The following RAI1 variants were observed in gnomAD, a reference collection of about 807,000 sequenced individuals.
The protein encoded by RAI1 is retinoic acid induced 1.
RAI1 carries 9 observed loss-of-function variants against 123.8 expected under a neutral mutation model. The observed-to-expected ratio is 0.07, with a 90% confidence interval of 0.04 to 0.13. The LOEUF is 0.13. Ranked by LOEUF, RAI1 falls within the 10% of genes least tolerant of loss-of-function variation. The pLI, the probability that RAI1 is intolerant of heterozygous loss-of-function variation, is 1.00. For synonymous variants in RAI1, 1,231 were observed against 1,127.3 expected (o/e 1.09, Z -1.84); for missense variants, 2,256 against 2,545.8 (o/e 0.89, Z 2.45).
intron 2 of RAI1, among the ~76,000 whole-genome samples, chr17:17,742,064 G>A (rs952561700): frequency 3.9e-5 from 6 of 152,274 alleles, no homozygotes; most frequent in Non-Finnish European, 8.8e-5. Context: ...CTTCATGTCA[G>A]TGTCTCTTGT....
intron 2 of RAI1, among the ~76,000 whole-genome samples, chr17:17,781,945 G>A (rs1315169238): frequency 6.6e-6 from 1 of 152,174 alleles, no homozygotes; most frequent in Non-Finnish European, 1.5e-5. Context: ...GAGGGCTCGG[G>A]GCCCCGGGCC....
chr17:17,792,437 G>A (rs924569250), intron 2 of RAI1, among the ~76,000 whole-genome samples: 1 of 152,300 alleles, frequency 6.6e-6, no homozygotes, highest in East Asian at 1.9e-4. Flanking sequence ...GCTTGAACAC[G>A]GTCGCGAAGG....
rs928112253 is a variant in RAI1 at position 17,799,538 on chromosome 17, C to T, written c.5565+1025C>T. Among the ~76,000 whole-genome samples, 2 of 152,178 alleles carry T rather than the reference C, an allele frequency of 1.3e-5. No homozygotes were observed. Among genetic ancestry groups the T allele is most frequent in the African/African-American group, 4.8e-5 (2 of 41,420 alleles). The stretch of plus-strand genomic sequence containing the variant: ...TCCAGACTTCCGTGGAGTGACGCTC[C>T]CGGCTCTCAGCGCTGTGTGGTGGCT... On this transcript the variant is annotated intron_variant, in intron 3 of 5. Coordinates refer to ENST00000353383, the MANE Select transcript of RAI1 (RefSeq NM_030665.4). The surrounding 1 kb of genome is among the most constrained non-coding windows in gnomAD (Gnocchi z 4.5).
At chr17:17,722,170 G>T in intron 1 of RAI1, among the ~76,000 whole-genome samples, 1 of 152,168 alleles carries the variant, frequency 6.6e-6, no homozygotes, top group East Asian at 1.9e-4. Flanking sequence ...GACGAGCCAG[G>T]GCTGACACAT....
intron 2 of RAI1, among the ~76,000 whole-genome samples, chr17:17,783,324 G>C (rs1226968856): frequency 6.6e-6 from 1 of 151,940 alleles, no homozygotes; most frequent in Non-Finnish European, 1.5e-5. Flanking sequence ...CCGTGACCTT[G>C]CTGGGGTCAG....
At chr17:17,716,566 G>C (rs964485800) in intron 1 of RAI1, among the ~76,000 whole-genome samples, 1 of 152,180 alleles carries the variant, frequency 6.6e-6, no homozygotes, top group Non-Finnish European at 1.5e-5. Flanking sequence ...GTGTGCATGT[G>C]TATGTGGTTT....
chr17:17,755,120 A>G (rs2030382973), intron 2 of RAI1, among the ~76,000 whole-genome samples: 1 of 152,210 alleles, frequency 6.6e-6, no homozygotes, highest in East Asian at 1.9e-4. Context: ...CTGAGCTCCC[A>G]CAGCCTGAGC....
intron 1 of RAI1, among the ~76,000 whole-genome samples, chr17:17,697,411 A>G (rs1164374037): frequency 6.6e-6 from 1 of 152,220 alleles, no homozygotes; most frequent in African/African-American, 2.4e-5. Flanking sequence ...CAGAAATGAA[A>G]AGATTAGGGA....
rs946054469 is a variant in RAI1 at position 17,714,715 on chromosome 17, CCT to C, written c.-148-9309_-148-9308del. ...AATAAGGAAGCTGAGCAGCAGGCAG[CCT>C]CTCCCCTGCAGAAGGGCACAGAAGC... On this transcript the variant is annotated intron_variant, in intron 1 of 5. Transcript: ENST00000353383. The surrounding 1 kb of genome is among the most constrained non-coding windows in gnomAD (Gnocchi z 4.9). Among the ~76,000 whole-genome samples the C allele has an allele frequency of 1.3e-5, 2 of 152,118 alleles. No individual in the cohort carries two copies. The highest frequency in any genetic ancestry group is 2.9e-5 in the Non-Finnish European group (2 of 68,024).
intron 1 of RAI1, among the ~76,000 whole-genome samples, chr17:17,713,916 G>T (rs905874258): frequency 6.6e-6 from 1 of 152,148 alleles, no homozygotes; most frequent in African/African-American, 2.4e-5. Context: ...GCAGGAGCTT[G>T]CTCTGGTCCG....
At chr17:17,784,659 C>G (rs2031760228) in intron 2 of RAI1, among the ~76,000 whole-genome samples, 1 of 152,144 alleles carries the variant, frequency 6.6e-6, no homozygotes, top group African/African-American at 2.4e-5. Context: ...AGCCGGAGAC[C>G]CCTATGCCGT....
rs778040446 is a variant in RAI1, at chr17:17,798,418, G to C, written c.5470G>C (p.Val1824Leu). 1 of 1,610,778 alleles carries C rather than the reference G, an allele frequency of 6.2e-7. No individual in the cohort carries two copies. The highest frequency in any genetic ancestry group is 1.7e-5 in the Admixed American group (1 of 59,936). Residue 1824 changes from valine (V) to leucine (L), a missense_variant, in exon 3 of 6, where the codon GTG becomes CTG. Physicochemically the swap from Val to Leu is conservative, Grantham distance 32. This residue lies in a region of RAI1 where 243 missense variants were observed against 316.6 expected (regional missense o/e 0.77). Transcript: ENST00000353383. ...EPGGEAQEHWVHEACAVWTGG... is the reference protein window; with the variant it reads ...EPGGEAQEHWLHEACAVWTGG... ...CGGCGGGGAGGCCCAGGAGCACTGG[G>C]TGCATGAGGCCTGTGCCGTGTGGAC...
intron 1 of RAI1, among the ~76,000 whole-genome samples, chr17:17,682,108 G>A (rs1165571062): frequency 3.3e-5 from 5 of 151,276 alleles, no homozygotes; most frequent in Non-Finnish European, 5.9e-5. Context: ...AGTGTGGCAA[G>A]GGATCTGCTT....
intron 1 of RAI1, among the ~76,000 whole-genome samples, chr17:17,694,737 G>C (rs1914956205): frequency 6.7e-6 from 1 of 150,316 alleles, no homozygotes; most frequent in South Asian, 2.1e-4. Context: ...CGGGACCTTC[G>C]GGGCGCTGAG....
rs1479877533 is a variant in RAI1, at chr17:17,781,976, G to A, written c.-16-10957G>A. 2.0e-5 allele frequency among the ~76,000 whole-genome samples: 3 copies of A among 152,318 alleles called. No individual in the cohort carries two copies. The South Asian group carries it at 6.2e-4, about 32-fold the overall frequency. ...GGGCCGGCCGCCCCCTTTTTGCGGG[G>A]GGAGAGCAGGAGCCGCCTCTCGCAG... On this transcript the variant is annotated intron_variant, in intron 2 of 5. Coordinates refer to ENST00000353383, the MANE Select transcript of RAI1 (RefSeq NM_030665.4).
In RAI1 at chr17:17,798,346, G is replaced by A. The variant is rs777865239; in HGVS notation, c.5398G>A (p.Asp1800Asn). ...EDGGEEAAPA[D>N]KGRKHECSKE... ...TGGGGGCGAGGAGGCAGCCCCAGCC[G>A]ACAAGGGTCGCAAACATGAGTGCAG... Residue 1800 changes from aspartate (D) to asparagine (N), a missense_variant, in exon 3 of 6, where the codon GAC becomes AAC. Physicochemically the swap from Asp to Asn is conservative, Grantham distance 23. Transcript: ENST00000353383. The A allele has an allele frequency of 2.9e-5, 47 of 1,603,458 alleles. No homozygotes were observed. In the Admixed American group the frequency reaches 3.4e-4, roughly 12 times the overall value.
At chr17:17,781,965 C>G (rs2031597444) in intron 2 of RAI1, among the ~76,000 whole-genome samples, 1 of 152,152 alleles carries the variant, frequency 6.6e-6, no homozygotes. Context: ...CGGCCGCCCC[C>G]TTTTTGCGGG....
chr17:17,730,191 G>A (rs1043677485), intron 2 of RAI1, among the ~76,000 whole-genome samples: 2 of 152,236 alleles, frequency 1.3e-5, no homozygotes, highest in Non-Finnish European at 2.9e-5. Context: ...TGTGATGTTG[G>A]TATCTGCCTT....
At chr17:17,745,420 T>A (rs1270093919) in intron 2 of RAI1, among the ~76,000 whole-genome samples, 1 of 151,678 alleles carries the variant, frequency 6.6e-6, no homozygotes, top group Non-Finnish European at 1.5e-5. Context: ...TGTGTGTGTG[T>A]GTGTGTGTGT....
Sources: gnomAD v4.1 joint callset for allele counts (sites outside exome capture counted in the v4.1 genomes callset) on GRCh38, gnomAD v4.1.1 for gene constraint, gnomAD v4.1.1 regional missense constraint, Gnocchi (gnomAD v3.1) non-coding constraint, MANE v1.5 for transcripts, NCBI Gene and HGNC (gene_info 2026-07-23, HGNC 2026-07-21) for gene names.